MALT1: variants seen among roughly 807,000 people sequenced by gnomAD.
The protein encoded by MALT1 is MALT1 paracaspase.
In MALT1, 36 loss-of-function variants were observed where a neutral mutation model predicts 85.5. The ratio of observed to expected loss-of-function variants is 0.42; its 90% CI spans 0.32 to 0.56. The LOEUF is 0.56. MALT1 is among the 20% of genes least tolerant of loss of function. MALT1 has a pLI of 0.10. For synonymous variants in MALT1, 359 were observed against 361.3 expected (o/e 0.99, Z 0.07); for missense variants, 716 against 981.6 (o/e 0.73, Z 3.62).
Position 58,742,001 on chromosome 18 carries a change from G to A in MALT1, c.1740G>A (p.Trp580Ter). 6.5e-7 allele frequency: 1 copy of A among 1,529,230 alleles called. No individual in the cohort carries two copies. Among genetic ancestry groups the A allele is most frequent in the South Asian group, 1.3e-5 (1 of 79,044 alleles). 94.7% of individuals were successfully genotyped at this position (1,529,230 alleles called of 1,614,324 possible). A position where few individuals can be genotyped will look rare whatever the true frequency, so the allele number is the denominator to read the frequency against. The change falls in exon 14 of 17, where the codon TGG becomes TGA. Residue 580 changes from tryptophan (W) to a stop codon, truncating the protein, a stop_gained. Transcript: ENST00000649217. LOFTEE classifies it high-confidence loss of function. ...AATCTCTTGTGCGGAATCTACAGTG[G>A]GCCAAGGCTCATGGTACGGTAAAGC... ...SAESLVRNLQ[W>*]AKAHELPESM...
At chr18:58,742,041 A>G in intron 14 of MALT1, 27 bp downstream of exon 14, 2 of 1,460,348 alleles carry the variant, frequency 1.4e-6, no homozygotes, top group African/African-American at 2.8e-5. Flanking sequence ...TTTTTGTTAG[A>G]TCTACAATAT....
At chr18:58,740,397 A>AT in intron 13 of MALT1, among the ~76,000 whole-genome samples, 1 of 11,232 alleles carries the variant, frequency 8.9e-5, no homozygotes, top group South Asian at 1.7e-3. Context: ...CATCGTAGTT[A>AT]TTCACTTTTA....
chr18:58,736,144 AAAG>A (rs753044002), intron 13 of MALT1, among the ~76,000 whole-genome samples: 10 of 152,258 alleles, frequency 6.6e-5, no homozygotes, highest in African/African-American at 9.6e-5. Context: ...TAAAAATAAA[AAAG>A]AAGAAATTAT....
At chr18:58,733,745 T>G (rs1015620472) in intron 11 of MALT1, 171 bp downstream of exon 11, 1 of 740,094 alleles carries the variant, frequency 1.4e-6, no homozygotes, top group African/African-American at 1.8e-5. Context: ...GTATATCTAA[T>G]TATTTTAACT....
intron 1 of MALT1, among the ~76,000 whole-genome samples, chr18:58,679,280 A>T (rs529746552): frequency 9.9e-5 from 15 of 152,272 alleles, no homozygotes; most frequent in Non-Finnish European, 1.8e-4. Context: ...AATAGTTTTA[A>T]TAAAAGGACA....
chr18:58,681,414 G>A (rs935889226), intron 2 of MALT1, 78 bp downstream of exon 2: 3 of 1,373,058 alleles, frequency 2.2e-6, no homozygotes, highest in Non-Finnish European at 3.0e-6. Context: ...TTGACCAGGT[G>A]AACTGTGTTA....
chr18:58,700,676 A>G (rs2054658545), intron 4 of MALT1, 85 bp downstream of exon 4: 17 of 1,242,088 alleles, frequency 1.4e-5, no homozygotes, highest in South Asian at 4.2e-5. Context: ...AACAATTTCA[A>G]AGTATCAAAA....
At chr18:58,716,373 A>C (rs926393582) in intron 9 of MALT1, among the ~76,000 whole-genome samples, 11 of 152,256 alleles carry the variant, frequency 7.2e-5, no homozygotes, top group Non-Finnish European at 1.5e-4. Context: ...AATTTAGGAT[A>C]AAATGTAAAC....
At chr18:58,737,502 C>T (rs1348243024) in intron 13 of MALT1, among the ~76,000 whole-genome samples, 1 of 151,136 alleles carries the variant, frequency 6.6e-6, no homozygotes, top group Non-Finnish European at 1.5e-5. Context: ...AAAGAAAATT[C>T]CAGAGGGAGA....
In MALT1 at chr18:58,724,129, T is replaced by A. The variant is rs1013360817; in HGVS notation, c.1222+878T>A. Among the ~76,000 whole-genome samples, 9 of 152,358 alleles carry A rather than the reference T, an allele frequency of 5.9e-5. No homozygotes were observed. In the South Asian group the frequency reaches 1.9e-3, roughly 32 times the overall value. On this transcript the variant is annotated intron_variant, in intron 10 of 16. Coordinates refer to ENST00000649217, the MANE Select transcript of MALT1 (RefSeq NM_006785.4). ...CTTTCCAGTTATTTTATTTTAATAA[T>A]TTCTGAATTTACTCTTGTTATTTAT...
rs2055444441 is a variant in MALT1 at position 58,751,402 on chromosome 18, T to C, written c.*3560T>C. On this transcript the variant is annotated 3_prime_UTR_variant, in exon 17 of 17. Transcript: ENST00000649217. ...ATACTCTTCTGTATATTTGATTTTTTTTTTTTTAAGACAGAGTCCTGGCTC... is the reference window on the plus strand; with the variant it reads ...ATACTCTTCTGTATATTTGATTTTTCTTTTTTTAAGACAGAGTCCTGGCTC... 1 of 151,996 alleles carries C rather than the reference T, an allele frequency of 6.6e-6. No homozygotes were observed. Among genetic ancestry groups the C allele is most frequent in the African/African-American group, 2.4e-5 (1 of 41,442 alleles). The allele number at this position is 151,996 out of a possible 1,614,324, so 9.4% of individuals were successfully genotyped here.
At chr18:58,696,676 A>C (rs12455229) in intron 3 of MALT1, among the ~76,000 whole-genome samples, 189 bp downstream of exon 3, 15,620 of 152,214 alleles carry the variant, frequency 0.1, 1,060 homozygotes, top group Admixed American at 0.16. Flanking sequence ...TCATGAAAAC[A>C]TTGTAAACAA....
At chr18:58,728,416 A>G (rs528686695) in intron 10 of MALT1, among the ~76,000 whole-genome samples, 7 of 151,708 alleles carry the variant, frequency 4.6e-5, no homozygotes, top group Non-Finnish European at 8.8e-5. Context: ...CCAGCCTTGG[A>G]CAATATAGTG....
rs2055422534 is a variant in MALT1, at chr18:58,749,813, A to T, written c.*1971A>T. ...AAAAGGAATCTTCCTAGATATGATA[A>T]ATATAACATCTATGAAAAGCCCACA... is the stretch of plus-strand genomic sequence containing the variant. On this transcript the variant is annotated 3_prime_UTR_variant, in exon 17 of 17. Coordinates refer to ENST00000649217, the MANE Select transcript of MALT1 (RefSeq NM_006785.4). The T allele has an allele frequency of 4.7e-6, 1 of 211,278 alleles. No homozygotes were observed. The highest frequency in any genetic ancestry group is 9.6e-6 in the Non-Finnish European group (1 of 104,194). The allele number at this position is 211,278 out of a possible 1,614,324, so 13.1% of individuals were successfully genotyped here.
intron 1 of MALT1, among the ~76,000 whole-genome samples, chr18:58,678,347 A>C (rs2054271201): frequency 6.6e-6 from 1 of 152,248 alleles, no homozygotes; most frequent in African/African-American, 2.4e-5. Flanking sequence ...GCATCTGTTC[A>C]GGCTTTCAGC....
Position 58,744,474 on chromosome 18 carries a change from C to T in MALT1, c.1890C>T (p.Ala630=), listed in dbSNP as rs1417768741. Residue 630 remains alanine, a synonymous_variant, in exon 15 of 17, where the codon GCC becomes GCT. Transcript: ENST00000649217. ...YKPPEIIMCD[A]YVTDFPLDLD... The stretch of plus-strand genomic sequence containing the variant: ...CACCGGAGATAATAATGTGTGATGC[C>T]TACGTTACTGATTTTCCACTTGTGA... 7 of 1,600,972 alleles carry T rather than the reference C, an allele frequency of 4.4e-6. No homozygotes were observed. In the East Asian group the frequency reaches 1.6e-4, roughly 36 times the overall value.
Position 58,711,646 on chromosome 18 carries a change from A to G in MALT1, c.958+693A>G, listed in dbSNP as rs535451682. 6.6e-5 allele frequency among the ~76,000 whole-genome samples: 10 copies of G among 152,306 alleles called. No individual in the cohort carries two copies. In the South Asian group the frequency reaches 2.1e-3, roughly 32 times the overall value. On this transcript the variant is annotated intron_variant, in intron 7 of 16. Transcript: ENST00000649217. ...TCATCTTTCCTTAGTGTGATGTCACATTGTTTTGCAAAATTAGATTTGTGG... is the reference window on the plus strand; with the variant it reads ...TCATCTTTCCTTAGTGTGATGTCACGTTGTTTTGCAAAATTAGATTTGTGG...
At chr18:58,722,256 T>G (rs2054995325) in intron 9 of MALT1, among the ~76,000 whole-genome samples, 1 of 152,160 alleles carries the variant, frequency 6.6e-6, no homozygotes, top group Admixed American at 6.5e-5. Flanking sequence ...CTGTTTTAGA[T>G]GGGCTGCACA....
intron 1 of MALT1, among the ~76,000 whole-genome samples, 179 bp from the exon 2 acceptor site, chr18:58,680,991 A>C (rs1268210634): frequency 6.6e-6 from 1 of 151,278 alleles, no homozygotes. Flanking sequence ...GGGAATAAAG[A>C]GGAATTCCCC....
Sources: gnomAD v4.1 joint callset for allele counts (sites outside exome capture counted in the v4.1 genomes callset) on GRCh38, gnomAD v4.1.1 for gene constraint, MANE v1.5 for transcripts, NCBI Gene and HGNC (gene_info 2026-07-23, HGNC 2026-07-21) for gene names.